Variants in CASP14 observed in about 807,000 individuals in gnomAD.
CASP14 encodes caspase-14.
A neutral mutation model predicts 28.4 loss-of-function variants in CASP14; 27 were observed. That is an observed-to-expected ratio of 0.95 (90% CI 0.70 to 1.31). The LOEUF (loss-of-function observed/expected upper bound fraction) is 1.31, where lower values mean the gene tolerates loss of function less well. Ranked by LOEUF, CASP14 falls within the 50% of genes most tolerant of loss-of-function variation. The probability of loss-of-function intolerance (pLI) is 0.00; values close to 1 mark genes in which losing one functional copy is unlikely to be tolerated. For synonymous variants in CASP14, 115 were observed against 118.6 expected (o/e 0.97, Z 0.20); for missense variants, 323 against 312.8 (o/e 1.03, Z -0.25).
At chr19:15,052,142 T>C (rs919987662) in intron 1 of CASP14, 64 bp from the exon 2 acceptor site, 2 of 1,240,948 alleles carry the variant, frequency 1.6e-6, no homozygotes, top group African/African-American at 3.1e-5. Flanking sequence ...CATAAGCCAG[T>C]TTGTCCCCTG....
intron 6 of CASP14, 96 bp downstream of exon 6, chr19:15,055,629 C>A: frequency 2.5e-6 from 2 of 798,606 alleles, no homozygotes; most frequent in South Asian, 1.6e-5. Flanking sequence ...CCATTTCCCT[C>A]AGCTCCAAAT....
At position 15,053,853 on chromosome 19, in the gene CASP14, G is replaced by A. The variant is rs2046103343; in HGVS notation, c.298G>A (p.Gly100Arg). The A allele has an allele frequency of 1.9e-6, 3 of 1,614,054 alleles. No individual in the cohort carries two copies. Among genetic ancestry groups the A allele is most frequent in the Non-Finnish European group, 2.5e-6 (3 of 1,180,040 alleles). The change falls in exon 4 of 7, where the codon GGG becomes AGG. Residue 100 changes from glycine (G) to arginine (R), a missense_variant. Transcript: ENST00000427043. ...GREGFLKGED[G>R]EMVKLENLFE... ...GGAAGGCTTCCTCAAGGGAGAAGATGGGGAGATGGTCAAGCTGGAGAATCT... is the reference window on the plus strand; with the variant it reads ...GGAAGGCTTCCTCAAGGGAGAAGATAGGGAGATGGTCAAGCTGGAGAATCT...
chr19:15,049,815 T>C (rs1272658366), intron 1 of CASP14, among the ~76,000 whole-genome samples, 170 bp downstream of exon 1: 2 of 151,718 alleles, frequency 1.3e-5, no homozygotes, highest in Admixed American at 6.6e-5. Flanking sequence ...TTTCCATCCA[T>C]CCCCTCTTTC....
chr19:15,055,563 C>A, intron 6 of CASP14, 30 bp downstream of exon 6: 1 of 1,540,014 alleles, frequency 6.5e-7, no homozygotes, highest in Non-Finnish European at 9.0e-7. Context: ...CTGGGACCAC[C>A]GCCCAGGCCA....
At chr19:15,050,755 T>C (rs1394585868) in intron 1 of CASP14, among the ~76,000 whole-genome samples, 2 of 151,558 alleles carry the variant, frequency 1.3e-5, no homozygotes, top group Non-Finnish European at 2.9e-5. Flanking sequence ...AATGGGTTGA[T>C]GGAAGAATGA....
In CASP14 at chr19:15,055,231, C is replaced by G. The variant is rs934823805; in HGVS notation, c.477C>G (p.Ile159Met). The G allele has an allele frequency of 1.9e-6, 3 of 1,613,966 alleles. No individual in the cohort carries two copies. The African/African-American group carries it at 4.0e-5, about 22-fold the overall frequency. Residue 159 changes from isoleucine to methionine, a missense_variant, in exon 5 of 7, where the codon ATC (isoleucine) becomes ATG (methionine). Physicochemically the swap from Ile to Met is conservative, Grantham distance 10. Coordinates refer to ENST00000427043, the MANE Select transcript of CASP14 (RefSeq NM_012114.3). The stretch of plus-strand genomic sequence containing the variant: ...TCATCAAAGACAGCCCACAAACCAT[C>G]CCAACATACACAGATGCCTTGCACG... ...VMVIKDSPQT[I>M]PTYTDALHVY...
intron 1 of CASP14, 51 bp from the exon 2 acceptor site, chr19:15,052,155 C>A: frequency 7.3e-7 from 1 of 1,371,306 alleles, no homozygotes; most frequent in Non-Finnish European, 9.9e-7. Flanking sequence ...GTCCCCTGAG[C>A]CCCTCGGCCT....
At chr19:15,055,671 G>T (rs886997021) in intron 6 of CASP14, 138 bp downstream of exon 6, 4 of 644,416 alleles carry the variant, frequency 6.2e-6, no homozygotes, top group Non-Finnish European at 1.1e-5. Context: ...AAACTAAGAA[G>T]CCCACTTTCC....
rs1011479936 is a variant in CASP14, at chr19:15,056,771, A to T, written c.*682A>T. The T allele has an allele frequency of 1.3e-5, 2 of 152,206 alleles. No individual in the cohort carries two copies. Among genetic ancestry groups the T allele is most frequent in the African/African-American group, 2.4e-5 (1 of 41,412 alleles). The allele number at this position is 152,206 out of a possible 1,614,324, so 9.4% of individuals were successfully genotyped here. A position where few individuals can be genotyped will look rare whatever the true frequency, so the allele number is the denominator to read the frequency against. ...GCCCTCTCTCCAAGAAAATCCATCT[A>T]TTCAACTATTCTTGCATTCAATTAC... On this transcript the variant is annotated 3_prime_UTR_variant, in exon 7 of 7. Transcript: ENST00000427043.
chr19:15,054,872 C>T (rs1344880746), intron 4 of CASP14: 3 of 301,528 alleles, frequency 9.9e-6, no homozygotes, highest in African/African-American at 4.3e-5. Context: ...AACTCCTGAC[C>T]TCAGGTGATC....
intron 4 of CASP14, 114 bp from the exon 5 acceptor site, chr19:15,055,044 A>G: frequency 1.3e-6 from 1 of 751,386 alleles, no homozygotes; most frequent in African/African-American, 1.7e-5. Flanking sequence ...GGTTCAAGTG[A>G]TCCTCCTGCT....
intron 4 of CASP14, among the ~76,000 whole-genome samples, chr19:15,054,717 T>C (rs1316778161): frequency 2.6e-5 from 4 of 151,384 alleles, no homozygotes; most frequent in African/African-American, 9.7e-5. Context: ...CTTGGCTCAC[T>C]GCAACCCCCA....
Position 15,050,540 on chromosome 19 carries a change from A to T in CASP14, c.-47+895A>T, listed in dbSNP as rs1165382105. Among the ~76,000 whole-genome samples the T allele has an allele frequency of 1.4e-5, 2 of 147,984 alleles. 1 individual carries two copies. Among genetic ancestry groups the T allele is most frequent in the East Asian group, 4.1e-4 (2 of 4,928 alleles). ...TGGGTGGGTGGGTAGATGGATAAGTAAATAGGTGGATGGATAGATGGAAGA... is the reference window on the plus strand; with the variant it reads ...TGGGTGGGTGGGTAGATGGATAAGTTAATAGGTGGATGGATAGATGGAAGA... On this transcript the variant is annotated intron_variant, in intron 1 of 6. Coordinates refer to ENST00000427043, the MANE Select transcript of CASP14 (RefSeq NM_012114.3).
At chr19:15,055,802 T>C (rs777786088) in intron 6 of CASP14, among the ~76,000 whole-genome samples, 183 bp from the exon 7 acceptor site, 41 of 152,198 alleles carry the variant, frequency 2.7e-4, no homozygotes, top group African/African-American at 3.1e-4. Flanking sequence ...AATGTTTATA[T>C]GTTTTTATTG....
intron 1 of CASP14, among the ~76,000 whole-genome samples, chr19:15,050,357 T>A (rs998020959): frequency 6.6e-6 from 1 of 152,026 alleles, no homozygotes; most frequent in Non-Finnish European, 1.5e-5. Context: ...TTAATATTCA[T>A]TTCTGTCACA....
At chr19:15,054,112 G>A (rs2046104836) in intron 4 of CASP14, among the ~76,000 whole-genome samples, 154 bp downstream of exon 4, 1 of 151,998 alleles carries the variant, frequency 6.6e-6, no homozygotes, top group Admixed American at 6.6e-5. Flanking sequence ...AGCCTCCTGA[G>A]TAGCTGAGAC....
chr19:15,054,348 C>T (rs540210511), intron 4 of CASP14, among the ~76,000 whole-genome samples: 8 of 152,276 alleles, frequency 5.3e-5, no homozygotes, highest in South Asian at 4.1e-4. Flanking sequence ...GAGGCCCAGG[C>T]GGGAAGATTT....
rs1183725963 is a variant in CASP14 at position 15,056,092 on chromosome 19, G to T, written c.*3G>T. On this transcript the variant is annotated 3_prime_UTR_variant, in exon 7 of 7. Transcript: ENST00000427043. ...GGAAACGGCTGTATCTGCAGTAGAA[G>T]TAGAAAGACCAGGAGGAGCTTTCCT... is the stretch of plus-strand genomic sequence containing the variant. 1 of 1,584,302 alleles carries T rather than the reference G, an allele frequency of 6.3e-7. No homozygotes were observed. Among genetic ancestry groups the T allele is most frequent in the South Asian group, 1.1e-5 (1 of 87,278 alleles).
rs572504259 is a variant in CASP14 at position 15,057,762 on chromosome 19, C to A, written c.*1673C>A. On this transcript the variant is annotated 3_prime_UTR_variant, in exon 7 of 7. Coordinates refer to ENST00000427043, the MANE Select transcript of CASP14 (RefSeq NM_012114.3). ...AATTAACTGGGTATGGTGGCACATG[C>A]CTGTAGTCCCAGCTACTCAGGAGGC... The A allele has an allele frequency of 1.4e-4, 22 of 152,470 alleles. No homozygotes were observed. The highest frequency in any genetic ancestry group is 5.3e-4 in the African/African-American group (22 of 41,568). The allele number at this position is 152,470 out of a possible 1,614,324, so 9.4% of individuals were successfully genotyped here. A position where few individuals can be genotyped will look rare whatever the true frequency, so the allele number is the denominator to read the frequency against.
Sources: allele counts gnomAD v4.1 joint callset (sites outside exome capture counted in the v4.1 genomes callset), GRCh38; gene constraint gnomAD v4.1.1; transcripts MANE v1.5; gene names NCBI Gene and HGNC (gene_info 2026-07-23, HGNC 2026-07-21).